TRAF3: variants seen among roughly 807,000 people sequenced by gnomAD.
The protein encoded by TRAF3 is TNF receptor associated factor 3, also known as TNF receptor-associated factor 3.
A neutral mutation model predicts 62.3 loss-of-function variants in TRAF3; 13 were observed. That is an observed-to-expected ratio of 0.21 (90% confidence interval 0.14 to 0.33). TRAF3 has a LOEUF of 0.33. TRAF3 is among the 10% of genes least tolerant of loss of function. The probability of loss-of-function intolerance (pLI) is 1.00; values close to 1 mark genes in which losing one functional copy is unlikely to be tolerated. For synonymous variants in TRAF3, 269 were observed against 283.4 expected, an observed-to-expected ratio of 0.95 and a Z score of 0.51; for missense variants, 440 against 741.8, an observed-to-expected ratio of 0.59 and a Z score of 4.73.
chr14:102,889,148 C>T (rs1195819920), intron 7 of TRAF3, among the ~76,000 whole-genome samples: 1 of 152,040 alleles, frequency 6.6e-6, no homozygotes, highest in African/African-American at 2.4e-5. Context: ...TTTTGTGTAC[C>T]GTATATTAGG....
At chr14:102,895,582 G>A (rs1035123545) in intron 9 of TRAF3, among the ~76,000 whole-genome samples, 15 of 152,186 alleles carry the variant, frequency 9.9e-5, no homozygotes, top group Non-Finnish European at 1.8e-4. Context: ...CATCGGATCT[G>A]GCACAGAGCT....
At position 102,879,100 on chromosome 14, in the gene TRAF3, G is replaced by A. The variant is rs545475615; in HGVS notation, c.570+2575G>A. On this transcript the variant is annotated intron_variant, in intron 6 of 11. Transcript: ENST00000392745. ...TGGGGGTGAGTTTGGTGGCTCGCAG[G>A]ATCATGGGGCTGGAGCGAGTGGAGA... is the stretch of plus-strand genomic sequence containing the variant. Among the ~76,000 whole-genome samples the A allele has an allele frequency of 2.6e-5, 4 of 152,096 alleles. No homozygotes were observed. The South Asian group carries it at 8.3e-4, about 32-fold the overall frequency.
intron 1 of TRAF3, among the ~76,000 whole-genome samples, chr14:102,803,893 A>G (rs1199494446): frequency 6.6e-6 from 1 of 152,170 alleles, no homozygotes; most frequent in East Asian, 1.9e-4. Flanking sequence ...AGGTGACCCT[A>G]TGAAATTGAC....
At chr14:102,791,387 G>T (rs566979959) in intron 1 of TRAF3, among the ~76,000 whole-genome samples, 4 of 152,244 alleles carry the variant, frequency 2.6e-5, no homozygotes, top group South Asian at 2.1e-4. Context: ...TGTAGTGTTA[G>T]TGTACAAATC....
intron 7 of TRAF3, 21 bp from the exon 8 acceptor site, chr14:102,889,539 C>G (rs1194967277): frequency 1.2e-6 from 2 of 1,613,496 alleles, no homozygotes; most frequent in Non-Finnish European, 1.7e-6. Flanking sequence ...TGCCACAACT[C>G]ACGTCTCTTT....
intron 3 of TRAF3, among the ~76,000 whole-genome samples, chr14:102,871,240 C>G (rs1480326362): frequency 6.6e-6 from 1 of 152,244 alleles, no homozygotes; most frequent in Non-Finnish European, 1.5e-5. Flanking sequence ...CTTCACCCTC[C>G]CCCTTCTCCA....
chr14:102,799,274 C>T (rs868307148), intron 1 of TRAF3, among the ~76,000 whole-genome samples: 1 of 152,156 alleles, frequency 6.6e-6, no homozygotes, highest in Non-Finnish European at 1.5e-5. Flanking sequence ...AGAGTTGACA[C>T]AGCGGGAGGA....
chr14:102,875,471 C>A (rs1412194109), intron 4 of TRAF3, among the ~76,000 whole-genome samples, 153 bp from the exon 5 acceptor site: 1 of 150,172 alleles, frequency 6.7e-6, no homozygotes, highest in Non-Finnish European at 1.5e-5. Context: ...CATTCTACTT[C>A]TAGAAATCAA....
At chr14:102,878,365 AGT>A (rs1178958809) in intron 6 of TRAF3, among the ~76,000 whole-genome samples, 17 of 83,712 alleles carry the variant, frequency 2.0e-4, no homozygotes, top group African/African-American at 6.9e-4. Context: ...TGTGGGGGTA[AGT>A]GTGTGTGGGG....
At chr14:102,874,085 C>A (rs1365370526) in intron 4 of TRAF3, among the ~76,000 whole-genome samples, 1 of 152,116 alleles carries the variant, frequency 6.6e-6, no homozygotes, top group East Asian at 1.9e-4. Context: ...CATATGGAGA[C>A]CCCATCTCTA....
At chr14:102,784,541 C>T (rs992718342) in intron 1 of TRAF3, among the ~76,000 whole-genome samples, 1 of 152,106 alleles carries the variant, frequency 6.6e-6, no homozygotes, top group Non-Finnish European at 1.5e-5. Flanking sequence ...GCTTCTGATT[C>T]CAGCTAGGGT....
chr14:102,879,353 G>A (rs1477820613), intron 6 of TRAF3, among the ~76,000 whole-genome samples: 1 of 152,088 alleles, frequency 6.6e-6, no homozygotes, highest in Admixed American at 6.5e-5. Context: ...GCTCACTGCA[G>A]CCTCTTTCTC....
In TRAF3 at chr14:102,789,213, T is replaced by C. The variant is rs1897662554; in HGVS notation, c.-157+11538T>C. ...GCCAGTATTTGTTCCTTTTTATTGC[T>C]GAATCATAATCCATTGTATGTACAT... On this transcript the variant is annotated intron_variant, in intron 1 of 11. Transcript: ENST00000392745. Among the ~76,000 whole-genome samples, 4 of 152,226 alleles carry C rather than the reference T, an allele frequency of 2.6e-5. 1 individual carries two copies. The South Asian group carries it at 8.3e-4, about 32-fold the overall frequency.
intron 1 of TRAF3, 95 bp downstream of exon 1, chr14:102,777,770 G>C (rs1897077320): frequency 6.9e-6 from 1 of 144,922 alleles, no homozygotes; most frequent in Non-Finnish European, 1.5e-5. Flanking sequence ...GCGGGGCCCG[G>C]GGGCCTCGGG....
At chr14:102,807,767 C>T (rs1007751114) in intron 1 of TRAF3, among the ~76,000 whole-genome samples, 1 of 152,184 alleles carries the variant, frequency 6.6e-6, no homozygotes, top group African/African-American at 2.4e-5. Context: ...GCTCTCTTAT[C>T]CCTACAGCTG....
intron 10 of TRAF3, among the ~76,000 whole-genome samples, chr14:102,900,072 G>C (rs1339906065): frequency 6.6e-6 from 1 of 151,386 alleles, no homozygotes; most frequent in Non-Finnish European, 1.5e-5. Context: ...CCAGCTACTC[G>C]GGAGGCTGAG....
At chr14:102,868,594 G>A (rs1432693370) in intron 2 of TRAF3, among the ~76,000 whole-genome samples, 1 of 152,190 alleles carries the variant, frequency 6.6e-6, no homozygotes, top group Non-Finnish European at 1.5e-5. Context: ...AACACTGGCC[G>A]ACATTCCCAA....
intron 6 of TRAF3, among the ~76,000 whole-genome samples, chr14:102,883,885 TCA>T (rs1441821724): frequency 2.0e-5 from 3 of 152,334 alleles, no homozygotes; most frequent in East Asian, 1.9e-4. Flanking sequence ...GCTTTTCAAC[TCA>T]CACATGTGTG....
intron 1 of TRAF3, among the ~76,000 whole-genome samples, chr14:102,802,143 C>T (rs1490747785): frequency 6.9e-6 from 1 of 144,892 alleles, no homozygotes. Flanking sequence ...TGAGCCATTG[C>T]ACCTGGACTC....
Sources: gnomAD v4.1 joint callset for allele counts (sites outside exome capture counted in the v4.1 genomes callset) on GRCh38, gnomAD v4.1.1 for gene constraint, MANE v1.5 for transcripts, NCBI Gene and HGNC (gene_info 2026-07-23, HGNC 2026-07-21) for gene names.